The following LAMA3 variants were observed in gnomAD, a reference collection of about 807,000 sequenced individuals.
The protein encoded by LAMA3 is laminin subunit alpha-3.
LAMA3 carries 281 observed loss-of-function variants against 402.0 expected under a neutral mutation model. That is an observed-to-expected ratio of 0.70 (90% CI 0.63 to 0.77). The LOEUF is 0.77. Ranked by LOEUF, LAMA3 falls within the 30% of genes least tolerant of loss-of-function variation. The pLI is 0.00. For missense variants in LAMA3, 3,840 were observed against 4,215.5 expected, an observed-to-expected ratio of 0.91 and a Z score of 2.47; for synonymous variants, 1,431 against 1,558.4, an observed-to-expected ratio of 0.92 and a Z score of 1.93.
chr18:23,757,188 G>C (rs2061864957), intron 6 of LAMA3, among the ~76,000 whole-genome samples: 1 of 151,970 alleles, frequency 6.6e-6, no homozygotes, highest in African/African-American at 2.4e-5. Flanking sequence ...CCACTACCCA[G>C]CTCCAAGCAA....
chr18:23,827,514 T>A, intron 23 of LAMA3, 47 bp downstream of exon 23: 1 of 1,594,532 alleles, frequency 6.3e-7, no homozygotes, highest in Non-Finnish European at 8.6e-7. Flanking sequence ...TACCTCCCCA[T>A]CTGTATCTGC....
Position 23,725,955 on chromosome 18 carries a change from G to A in LAMA3, c.447+11883G>A, listed in dbSNP as rs577194984. ...GTTCCATAGGTTTTAAGCACTTTGAGTGATAAAATTGTATGTTTACCTTTA... is the reference window on the plus strand; with the variant it reads ...GTTCCATAGGTTTTAAGCACTTTGAATGATAAAATTGTATGTTTACCTTTA... On this transcript the variant is annotated intron_variant, in intron 2 of 74. Transcript: ENST00000313654. Among the ~76,000 whole-genome samples the A allele has an allele frequency of 3.3e-5, 5 of 152,302 alleles. No homozygotes were observed. In the South Asian group the frequency reaches 6.2e-4, roughly 19 times the overall value.
rs1426351106 is a variant in LAMA3 at position 23,689,532 on chromosome 18, A to G, written c.-152A>G. On this transcript the variant is annotated 5_prime_UTR_variant, in exon 1 of 75. Coordinates refer to ENST00000313654, the MANE Select transcript of LAMA3 (RefSeq NM_198129.4). ...GGCCACCCCCACGCCGCGGGCTTCC[A>G]GCGCGTGGAGCAAGGGGAGCGGCCC... 2 of 714,784 alleles carry G rather than the reference A, an allele frequency of 2.8e-6. No individual in the cohort carries two copies. The highest frequency in any genetic ancestry group is 7.3e-5 in the South Asian group (1 of 13,748). The allele number at this position is 714,784 out of a possible 1,614,324, so 44.3% of individuals were successfully genotyped here.
At position 23,951,742 on chromosome 18, in the gene LAMA3, A is replaced by AGTCT; in HGVS notation, c.9702_9705dup (p.Leu3236ValfsTer4). The stretch of plus-strand genomic sequence containing the variant: ...ACCTCAACGTCGGTCACACCAAAGC[A>AGTCT]GTCTCTGTGTGATGGACAGTGGCAC... On this transcript the variant is annotated frameshift_variant, in exon 73 of 75. Transcript: ENST00000313654. LOFTEE classifies it high-confidence loss of function. 6.2e-7 allele frequency: 1 copy of AGTCT among 1,613,878 alleles called. No homozygotes were observed. Among genetic ancestry groups the AGTCT allele is most frequent in the Non-Finnish European group, 8.5e-7 (1 of 1,179,910 alleles).
intron 12 of LAMA3, among the ~76,000 whole-genome samples, chr18:23,801,718 T>A (rs2062868978): frequency 1.3e-5 from 2 of 152,246 alleles, no homozygotes; most frequent in Admixed American, 6.5e-5. Context: ...CTATTTTTGG[T>A]CTTTTTGATG....
At chr18:23,937,510 T>TA (rs1339031232) in intron 67 of LAMA3, among the ~76,000 whole-genome samples, 2 of 151,242 alleles carry the variant, frequency 1.3e-5, no homozygotes, top group East Asian at 3.9e-4. Context: ...GAATGCATGA[T>TA]AGAGGCCAGG....
intron 17 of LAMA3, among the ~76,000 whole-genome samples, chr18:23,815,844 T>G (rs2063165626): frequency 6.6e-6 from 1 of 152,204 alleles, no homozygotes; most frequent in Non-Finnish European, 1.5e-5. Flanking sequence ...GTTTTATAAA[T>G]AACATCAATA....
intron 6 of LAMA3, among the ~76,000 whole-genome samples, chr18:23,756,967 C>G (rs2061859377): frequency 6.7e-6 from 1 of 149,402 alleles, no homozygotes; most frequent in South Asian, 2.2e-4. Flanking sequence ...CCGCCCCGCC[C>G]CAGTAACTGG....
rs1185835337 is a variant in LAMA3 at position 23,853,655 on chromosome 18, ATGT to A, written c.4137-4184_4137-4182del. On this transcript the variant is annotated intron_variant, in intron 32 of 74. Coordinates refer to ENST00000313654, the MANE Select transcript of LAMA3 (RefSeq NM_198129.4). ...ATGGCAAGCACCCACCCATGCCCAG[ATGT>A]TGTTACAAAACGTTTGGCCAGGAGC... Among the ~76,000 whole-genome samples, 3 of 152,296 alleles carry A rather than the reference ATGT, an allele frequency of 2.0e-5. No homozygotes were observed. In the East Asian group the frequency reaches 5.8e-4, roughly 29 times the overall value.
intron 2 of LAMA3, among the ~76,000 whole-genome samples, chr18:23,719,247 C>A (rs1451980482): frequency 6.6e-6 from 1 of 152,066 alleles, no homozygotes; most frequent in Admixed American, 6.5e-5. Context: ...GCAGCCCCAA[C>A]CACTCAGGAG....
intron 1 of LAMA3, among the ~76,000 whole-genome samples, chr18:23,711,344 AT>A (rs1219257014): frequency 5.3e-5 from 8 of 152,180 alleles, no homozygotes. Flanking sequence ...GTGCCTACTA[AT>A]TGTGAGATCA....
intron 9 of LAMA3, among the ~76,000 whole-genome samples, chr18:23,775,272 C>T (rs2062289030): frequency 6.6e-6 from 1 of 152,220 alleles, no homozygotes; most frequent in South Asian, 2.1e-4. Context: ...GTTGCAAAAG[C>T]TGCCTTCAGT....
At chr18:23,718,183 C>G (rs891056946) in intron 2 of LAMA3, among the ~76,000 whole-genome samples, 1 of 152,032 alleles carries the variant, frequency 6.6e-6, no homozygotes, top group African/African-American at 2.4e-5. Context: ...GAGATCTCTC[C>G]CGTGAGATCG....
At chr18:23,710,362 A>G (rs4347707) in intron 1 of LAMA3, 199,112 of 377,410 alleles carry the variant, frequency 0.53, 57,139 homozygotes, top group Non-Finnish European at 0.63. Context: ...CCACGAGGTT[A>G]TCTTCTCTCA....
chr18:23,798,474 G>A (rs987119861), intron 12 of LAMA3, among the ~76,000 whole-genome samples: 2 of 152,146 alleles, frequency 1.3e-5, no homozygotes, highest in African/African-American at 2.4e-5. Flanking sequence ...GACACCGGCC[G>A]GGGAGGAGAA....
At chr18:23,904,308 CA>C (rs1380393576) in intron 50 of LAMA3, among the ~76,000 whole-genome samples, 4 of 152,182 alleles carry the variant, frequency 2.6e-5, no homozygotes, top group Non-Finnish European at 1.5e-5. Flanking sequence ...CAGAGGCCAT[CA>C]CCTCAGGTAT....
intron 15 of LAMA3, among the ~76,000 whole-genome samples, chr18:23,814,929 C>T (rs1468063263): frequency 6.6e-6 from 1 of 152,168 alleles, no homozygotes; most frequent in African/African-American, 2.4e-5. Context: ...ATTCAAAAAT[C>T]CCATGATGTT....
At position 23,899,271 on chromosome 18, in the gene LAMA3, C is replaced by T; in HGVS notation, c.5837-17C>T. 1.2e-6 allele frequency: 2 copies of T among 1,610,752 alleles called. No homozygotes were observed. Among genetic ancestry groups the T allele is most frequent in the Non-Finnish European group, 1.7e-6 (2 of 1,178,102 alleles). ...GCCCAGAATTCCCAGTCTAATAGACCACTTGATGTTTCCTAGTTCTTTTAA... is the reference window on the plus strand; with the variant it reads ...GCCCAGAATTCCCAGTCTAATAGACTACTTGATGTTTCCTAGTTCTTTTAA... On this transcript the variant is annotated splice_polypyrimidine_tract_variant and intron_variant, in intron 46 of 74. Coordinates refer to ENST00000313654, the MANE Select transcript of LAMA3 (RefSeq NM_198129.4).
Position 23,827,361 on chromosome 18 carries a change from T to C in LAMA3, c.2717T>C (p.Leu906Pro). 3.1e-6 allele frequency: 5 copies of C among 1,614,250 alleles called. No individual in the cohort carries two copies. Among genetic ancestry groups the C allele is most frequent in the Non-Finnish European group, 4.2e-6 (5 of 1,180,042 alleles). Residue 906 changes from leucine to proline, a missense_variant, in exon 23 of 75, where the codon CTG becomes CCG. Around this residue, in one of 3 missense-constraint regions of LAMA3, gnomAD observed 2,109 missense variants for 2,376.0 expected, o/e 0.89. Coordinates refer to ENST00000313654, the MANE Select transcript of LAMA3 (RefSeq NM_198129.4). ...CCAGTGACCAGATTCCCCTGTACCC[T>C]GGCTTGTGAGGCCAGACACTTCCTG... is the stretch of plus-strand genomic sequence containing the variant. ...HLPVTRFPCT[L>P]ACEARHFLLD...
Sources: gnomAD v4.1 joint callset for allele counts (sites outside exome capture counted in the v4.1 genomes callset) on GRCh38, gnomAD v4.1.1 for gene constraint, gnomAD v4.1.1 regional missense constraint, MANE v1.5 for transcripts, NCBI Gene and HGNC (gene_info 2026-07-23, HGNC 2026-07-21) for gene names.